RMDN3: variants seen among roughly 807,000 people sequenced by gnomAD.
The protein encoded by RMDN3 is regulator of microtubule dynamics protein 3.
Under a neutral mutation model 61.8 loss-of-function variants are expected in RMDN3, and 41 were observed. The ratio of observed to expected loss-of-function variants is 0.66; its 90% CI spans 0.52 to 0.86. RMDN3 has a LOEUF of 0.86. RMDN3 is among the 40% of genes least tolerant of loss of function. The pLI is 0.00. For synonymous variants in RMDN3, 247 were observed against 232.0 expected, an observed-to-expected ratio of 1.06 and a Z score of -0.59; for missense variants, 557 against 585.3, an observed-to-expected ratio of 0.95 and a Z score of 0.50.
intron 2 of RMDN3, among the ~76,000 whole-genome samples, chr15:40,753,519 A>G (rs1415821366): frequency 6.6e-6 from 1 of 151,926 alleles, no homozygotes; most frequent in African/African-American, 2.4e-5. Context: ...TCTCAAAAAA[A>G]AGAAAAGAAA....
rs1897086005 is a variant in RMDN3, at chr15:40,737,155, A to G, written c.1328T>C (p.Leu443Ser). ...CGTGACATCTGGCAGCTCCAGGGCC[A>G]ACTTCATCCACCATCTAGCTTCAGA... ...KNSEARWWMKLALELPDVTKE... is the reference protein window; with the variant it reads ...KNSEARWWMKSALELPDVTKE... The change falls in exon 12 of 13, where the codon TTG becomes TCG. Residue 443 changes from leucine to serine, a missense_variant. Leu to Ser is a moderately radical substitution (Grantham distance 145). Coordinates refer to ENST00000338376, the MANE Select transcript of RMDN3 (RefSeq NM_018145.3). The G allele has an allele frequency of 1.2e-6, 2 of 1,614,120 alleles. No homozygotes were observed. Among genetic ancestry groups the G allele is most frequent in the Admixed American group, 3.3e-5 (2 of 60,002 alleles).
chr15:40,736,570 C>G lies in RMDN3; in HGVS notation c.1384G>C (p.Glu462Gln). Reference protein sequence around the residue: ...KEDLAIQKDLEELEVILRD With the variant: ...KEDLAIQKDLQELEVILRD The stretch of plus-strand genomic sequence containing the variant: ...TCTCGTAAAATGACTTCCAGTTCTT[C>G]CAGGTCCTTCTGGATAGCCAAATCC... The change falls in exon 13 of 13, where the codon GAA (glutamate) becomes CAA (glutamine). Residue 462 changes from glutamate (E) to glutamine (Q), a missense_variant. Physicochemically the swap from Glu to Gln is conservative, Grantham distance 29. Transcript: ENST00000338376. 6.2e-7 allele frequency: 1 copy of G among 1,614,020 alleles called. No individual in the cohort carries two copies. Among genetic ancestry groups the G allele is most frequent in the Non-Finnish European group, 8.5e-7 (1 of 1,179,958 alleles).
chr15:40,742,171 G>GTTTTGTTTTTTTTTTTTTT (rs1161333834), intron 6 of RMDN3, among the ~76,000 whole-genome samples: 2 of 134,966 alleles, frequency 1.5e-5, no homozygotes, highest in African/African-American at 5.6e-5. Context: ...AATTTTTTAA[G>GTTTTGTTTTTTTTTTTTTT]TTTTTTTTTT....
intron 2 of RMDN3, 71 bp downstream of exon 2, chr15:40,754,526 C>G: frequency 1.4e-6 from 2 of 1,436,416 alleles, no homozygotes; most frequent in South Asian, 2.7e-5. Flanking sequence ...CCCACAGTCT[C>G]CACCGAAAGC....
At position 40,751,440 on chromosome 15, in the gene RMDN3, A is replaced by T; in HGVS notation, c.510T>A (p.Ala170=). 1 of 1,614,248 alleles carries T rather than the reference A, an allele frequency of 6.2e-7. No homozygotes were observed. Among genetic ancestry groups the T allele is most frequent in the Non-Finnish European group, 8.5e-7 (1 of 1,180,042 alleles). The change falls in exon 4 of 13, where the codon GCT becomes GCA. Residue 170 remains alanine (A), a synonymous_variant. Transcript: ENST00000338376. ...AGACAACTCACCCCCCTTCACTCTCAGCATCTGTGAACGTGGCTCCCGAGG... is the reference window on the plus strand; with the variant it reads ...AGACAACTCACCCCCCTTCACTCTCTGCATCTGTGAACGTGGCTCCCGAGG... ...TASSGATFTD[A]ESEGGYTTAN... is the part of the protein sequence containing the mutation.
At chr15:40,746,954 T>C (rs1451764151) in intron 4 of RMDN3, among the ~76,000 whole-genome samples, 2 of 151,618 alleles carry the variant, frequency 1.3e-5, no homozygotes, top group African/African-American at 4.9e-5. Flanking sequence ...ACCTGGGTAC[T>C]GATGAGGGAG....
rs1301858487 is a variant in RMDN3 at position 40,736,359 on chromosome 15, C to T, written c.*182G>A. On this transcript the variant is annotated 3_prime_UTR_variant, in exon 13 of 13. Transcript: ENST00000338376. The stretch of plus-strand genomic sequence containing the variant: ...GAAACGGAAGCCATGAGTACTGCCC[C>T]AATTCTAGATTAGGTTAGAGGTTAG... The T allele has an allele frequency of 6.8e-6, 4 of 584,192 alleles. No individual in the cohort carries two copies. The highest frequency in any genetic ancestry group is 2.3e-5 in the South Asian group (1 of 44,382). 36.2% of individuals were successfully genotyped at this position (584,192 alleles called of 1,614,324 possible).
intron 4 of RMDN3, among the ~76,000 whole-genome samples, chr15:40,750,941 G>C (rs565444637): frequency 1.5e-4 from 23 of 152,266 alleles, no homozygotes; most frequent in African/African-American, 5.5e-4. Flanking sequence ...CAGCTGCCCC[G>C]CCTCACAGAA....
At chr15:40,754,903 G>T (rs559858878) in intron 1 of RMDN3, 113 bp from the exon 2 acceptor site, 4 of 879,610 alleles carry the variant, frequency 4.5e-6, no homozygotes, top group Middle Eastern at 3.5e-4. Flanking sequence ...ACCCCGGCAG[G>T]TATCCCCTTG....
At position 40,744,988 on chromosome 15, in the gene RMDN3, T is replaced by G; in HGVS notation, c.796A>C (p.Asn266His). The change falls in exon 5 of 13, where the codon AAC (asparagine) becomes CAC (histidine). Residue 266 changes from asparagine (N) to histidine (H), a missense_variant. Physicochemically the swap from Asn to His is moderately conservative, Grantham distance 68. Coordinates refer to ENST00000338376, the MANE Select transcript of RMDN3 (RefSeq NM_018145.3). ...AGCTGGAGCCTCACCACCAGCTTGT[T>G]GTTGAGCAGCAGCTGGAAGCCCTCC... ...KREGFQLLLN[N>H]KLVYGSRQDF... is the part of the protein sequence containing the mutation. 6.2e-7 allele frequency: 1 copy of G among 1,602,936 alleles called. No individual in the cohort carries two copies. The highest frequency in any genetic ancestry group is 8.5e-7 in the Non-Finnish European group (1 of 1,172,704).
intron 6 of RMDN3, among the ~76,000 whole-genome samples, chr15:40,741,342 T>TAA (rs535413617): frequency 9.5e-5 from 14 of 147,952 alleles, no homozygotes; most frequent in African/African-American, 3.5e-4. Context: ...CCCATCTCTT[T>TAA]AAAAAAAAAA....
chr15:40,752,777 T>C (rs1897883672), intron 2 of RMDN3, among the ~76,000 whole-genome samples: 1 of 152,214 alleles, frequency 6.6e-6, no homozygotes, highest in East Asian at 1.9e-4. Flanking sequence ...CAACCCTAGA[T>C]CTCAGAGTAA....
rs758994592 is a variant in RMDN3, at chr15:40,745,074, TC to T, written c.709del (p.Asp237MetfsTer58). 5.0e-6 allele frequency: 8 copies of T among 1,613,988 alleles called. No individual in the cohort carries two copies. The highest frequency in any genetic ancestry group is 6.8e-6 in the Non-Finnish European group (8 of 1,179,972). Reference sequence around the variant, plus strand: ...GGCCTGCTGCAGGAGGGGCAGCACATCCTCCAAGCCTGAGGAACCTCCAGCC... The same window carrying T: ...GGCCTGCTGCAGGAGGGGCAGCACATCTCCAAGCCTGAGGAACCTCCAGCC... ...LEAGGSSGLEDVLPLLQQADE... is the reference protein window; with the variant it reads ...LEAGGSSGLEXVLPLLQQADE... On this transcript the variant is annotated frameshift_variant, in exon 5 of 13. Transcript: ENST00000338376. LOFTEE classifies it high-confidence loss of function.
At chr15:40,746,430 G>A (rs1481618418) in intron 4 of RMDN3, among the ~76,000 whole-genome samples, 1 of 151,718 alleles carries the variant, frequency 6.6e-6, no homozygotes, top group Non-Finnish European at 1.5e-5. Flanking sequence ...GCAGAAGAAT[G>A]GGCGTGAACC....
intron 6 of RMDN3, among the ~76,000 whole-genome samples, chr15:40,741,620 A>AT (rs553262858): frequency 0.016 from 1,168 of 71,708 alleles, 143 homozygotes; most frequent in African/African-American, 0.036. Flanking sequence ...GCAACATAGG[A>AT]TTTTTTTTTT....
chr15:40,751,002 C>T (rs1303099491), intron 4 of RMDN3, among the ~76,000 whole-genome samples: 2 of 152,192 alleles, frequency 1.3e-5, no homozygotes, highest in Admixed American at 6.5e-5. Context: ...ACATCCACCT[C>T]CCACCTGTAA....
rs200342907 is a variant in RMDN3, at chr15:40,740,123, G to T, written c.971+10C>A. ...CTGGCTCTTCCCAGAACACTGCAGG[G>T]TGTTATTACCACAGGTGACAGTCAG... On this transcript the variant is annotated intron_variant, in intron 7 of 12. Coordinates refer to ENST00000338376, the MANE Select transcript of RMDN3 (RefSeq NM_018145.3). 9.0e-4 allele frequency: 1,431 copies of T among 1,587,802 alleles called. 17 individuals carry two copies. In the South Asian group the frequency reaches 0.012, roughly 13 times the overall value.
intron 3 of RMDN3, among the ~76,000 whole-genome samples, 158 bp downstream of exon 3, chr15:40,751,828 T>G (rs1354091779): frequency 6.6e-6 from 1 of 152,206 alleles, no homozygotes; most frequent in Non-Finnish European, 1.5e-5. Flanking sequence ...AAGGAGCATG[T>G]GCAAGGCGAG....
At chr15:40,742,071 G>C (rs1897306132) in intron 6 of RMDN3, among the ~76,000 whole-genome samples, 1 of 152,052 alleles carries the variant, frequency 6.6e-6, no homozygotes, top group East Asian at 1.9e-4. Context: ...CCAGGCTGGA[G>C]TGCAGTGGTG....
Sources: allele counts gnomAD v4.1 joint callset (sites outside exome capture counted in the v4.1 genomes callset), GRCh38; gene constraint gnomAD v4.1.1; transcripts MANE v1.5; gene names NCBI Gene and HGNC (gene_info 2026-07-23, HGNC 2026-07-21).